The following GOLM1 variants were observed in gnomAD, a reference collection of about 807,000 sequenced individuals.
The protein encoded by GOLM1 is epididymis luminal protein 46.
Under a neutral mutation model 50.5 loss-of-function variants are expected in GOLM1, and 31 were observed. The ratio of observed to expected loss-of-function variants is 0.61; its 90% CI spans 0.46 to 0.83. The LOEUF is 0.83. Among genes scored for constraint, GOLM1 ranks in the 40% least tolerant of loss-of-function variants. The pLI is 0.00. For synonymous variants in GOLM1, 178 were observed against 192.8 expected (o/e 0.92, Z 0.64); for missense variants, 491 against 501.3 (o/e 0.98, Z 0.20).
intron 4 of GOLM1, among the ~76,000 whole-genome samples, chr9:86,050,277 A>C (rs1320377731): frequency 6.6e-6 from 1 of 152,170 alleles, no homozygotes; most frequent in Non-Finnish European, 1.5e-5. Flanking sequence ...CCGGCATTTT[A>C]TTGAGGATTT....
chr9:86,031,449 GTT>G lies in GOLM1; in HGVS notation c.1129+1831_1129+1832del, dbSNP rs774806772. On this transcript the variant is annotated intron_variant, in intron 9 of 9. Transcript: ENST00000388712. ...ACCTTATACAAACAATACCACTGAG[GTT>G]TTTTTTTTTTTTTTTTTTTTTTTCC... Among the ~76,000 whole-genome samples, 61 of 79,542 alleles carry G rather than the reference GTT, an allele frequency of 7.7e-4. No individual in the cohort carries two copies. The East Asian group carries it at 0.016, about 21-fold the overall frequency. 52.2% of individuals were successfully genotyped at this position (79,542 alleles called of 152,430 possible). A position where few individuals can be genotyped will look rare whatever the true frequency, so the allele number is the denominator to read the frequency against.
chr9:86,091,240 C>T (rs1258452496), intron 1 of GOLM1, among the ~76,000 whole-genome samples: 1 of 152,178 alleles, frequency 6.6e-6, no homozygotes, highest in Non-Finnish European at 1.5e-5. Flanking sequence ...TTTTAAATAA[C>T]CTAATCTTGT....
rs568279235 is a variant in GOLM1 at position 86,050,757 on chromosome 9, CTTCT to C, written c.364+1776_364+1779del. ...CATGTATTTGATTCTTCTCTCCTTT[CTTCT>C]TTATTAGTCTTGCTAGTGGTCTATC... On this transcript the variant is annotated intron_variant, in intron 4 of 9. Transcript: ENST00000388712. Among the ~76,000 whole-genome samples, 598 of 152,192 alleles carry C rather than the reference CTTCT, an allele frequency of 3.9e-3. 5 individuals carry two copies. Among genetic ancestry groups the C allele is most frequent in the African/African-American group, 0.014 (561 of 41,530 alleles).
chr9:86,039,022 G>A (rs1438537224), intron 6 of GOLM1, among the ~76,000 whole-genome samples: 2 of 150,246 alleles, frequency 1.3e-5, no homozygotes, highest in Non-Finnish European at 2.9e-5. Flanking sequence ...CCACAGAATT[G>A]GGAAAAAAAA....
At chr9:86,083,758 C>T (rs957617) in intron 1 of GOLM1, among the ~76,000 whole-genome samples, 66,238 of 152,136 alleles carry the variant, frequency 0.44, 16,235 homozygotes, top group Non-Finnish European at 0.57. Context: ...TCTGTGTTTA[C>T]GAACTCTTAC....
At chr9:86,087,087 T>C (rs1834998731) in intron 1 of GOLM1, among the ~76,000 whole-genome samples, 1 of 152,232 alleles carries the variant, frequency 6.6e-6, no homozygotes, top group African/African-American at 2.4e-5. Context: ...TCCATGAGCA[T>C]GGAATGTTTC....
chr9:86,082,915 T>C (rs1282779683), intron 1 of GOLM1, among the ~76,000 whole-genome samples: 1 of 152,286 alleles, frequency 6.6e-6, no homozygotes, highest in Admixed American at 6.5e-5. Flanking sequence ...CACACTCTTC[T>C]GTAAATGCTG....
intron 5 of GOLM1, among the ~76,000 whole-genome samples, chr9:86,043,867 C>G (rs184691307): frequency 6.6e-6 from 1 of 152,352 alleles, no homozygotes; most frequent in Admixed American, 6.5e-5. Context: ...AGGTCAAAAC[C>G]TTCTCGGCCA....
At chr9:86,054,514 GC>G (rs1833928956) in intron 3 of GOLM1, among the ~76,000 whole-genome samples, 1 of 152,120 alleles carries the variant, frequency 6.6e-6, no homozygotes, top group Non-Finnish European at 1.5e-5. Context: ...GTGAGCCACT[GC>G]GCCCGGCCTC....
intron 3 of GOLM1, among the ~76,000 whole-genome samples, chr9:86,074,701 GAATT>G (rs1354470208): frequency 6.6e-6 from 1 of 152,154 alleles, no homozygotes; most frequent in Non-Finnish European, 1.5e-5. Flanking sequence ...CTGCTGGGAG[GAATT>G]AATGAAACAG....
At chr9:86,072,736 T>C (rs967324624) in intron 3 of GOLM1, among the ~76,000 whole-genome samples, 1 of 152,316 alleles carries the variant, frequency 6.6e-6, no homozygotes, top group African/African-American at 2.4e-5. Context: ...GAGAAATGCA[T>C]CATTATGAGA....
intron 5 of GOLM1, among the ~76,000 whole-genome samples, chr9:86,042,554 A>T (rs1447094290): frequency 6.6e-6 from 1 of 152,232 alleles, no homozygotes; most frequent in Non-Finnish European, 1.5e-5. Context: ...CCTGACCTTG[A>T]ACAGCTGACA....
intron 9 of GOLM1, 58 bp from the exon 10 acceptor site, chr9:86,027,951 G>A: frequency 9.9e-7 from 1 of 1,008,492 alleles, no homozygotes; most frequent in Admixed American, 2.1e-5. Flanking sequence ...CTAGCCCTAG[G>A]CAGGTCCCAT....
chr9:86,027,032 T>C lies in GOLM1; in HGVS notation c.*785A>G. On this transcript the variant is annotated 3_prime_UTR_variant, in exon 10 of 10. Transcript: ENST00000388712. ...CAGGTCAGCCCCCTTTTGGCCTGTT[T>C]GTTTTGTCAAAAACCTAATCTGCTT... The C allele has an allele frequency of 2.0e-6, 2 of 985,334 alleles. No homozygotes were observed. Among genetic ancestry groups the C allele is most frequent in the Non-Finnish European group, 2.4e-6 (2 of 829,928 alleles). The allele number at this position is 985,334 out of a possible 1,614,324, so 61.0% of individuals were successfully genotyped here. A position where few individuals can be genotyped will look rare whatever the true frequency, so the allele number is the denominator to read the frequency against.
chr9:86,080,396 C>T (rs775643867), intron 1 of GOLM1, among the ~76,000 whole-genome samples: 2 of 152,148 alleles, frequency 1.3e-5, no homozygotes, highest in Non-Finnish European at 2.9e-5. Flanking sequence ...TCAGAGTGAG[C>T]GTGGCTGCAC....
chr9:86,085,771 G>C (rs1834941260), intron 1 of GOLM1, among the ~76,000 whole-genome samples: 1 of 152,038 alleles, frequency 6.6e-6, no homozygotes, highest in African/African-American at 2.4e-5. Context: ...TGAGAATGAT[G>C]GTTTCCAGCT....
chr9:86,039,581 A>C (rs556889138), intron 6 of GOLM1, among the ~76,000 whole-genome samples: 1 of 152,336 alleles, frequency 6.6e-6, no homozygotes, highest in South Asian at 2.1e-4. Context: ...CATGTGGTCT[A>C]TCCACAGGAT....
intron 9 of GOLM1, among the ~76,000 whole-genome samples, chr9:86,029,097 TC>T (rs1229275008): frequency 6.6e-6 from 1 of 152,098 alleles, no homozygotes; most frequent in African/African-American, 2.4e-5. Context: ...GACCTCGTGA[TC>T]CGCCCGCCTT....
chr9:86,089,550 G>C (rs1426294764), intron 1 of GOLM1, among the ~76,000 whole-genome samples: 1 of 151,860 alleles, frequency 6.6e-6, no homozygotes, highest in Admixed American at 6.6e-5. Flanking sequence ...GACCGATTTG[G>C]CTATTGATAC....
Sources: allele counts gnomAD v4.1 joint callset (sites outside exome capture counted in the v4.1 genomes callset), GRCh38; gene constraint gnomAD v4.1.1; transcripts MANE v1.5; gene names NCBI Gene and HGNC (gene_info 2026-07-23, HGNC 2026-07-21).